TRIM37: variants seen among roughly 807,000 people sequenced by gnomAD.
TRIM37 encodes tripartite motif containing 37.
Under a neutral mutation model 129.8 loss-of-function variants are expected in TRIM37, and 80 were observed. The ratio of observed to expected loss-of-function variants is 0.62; its 90% CI spans 0.51 to 0.74. The LOEUF (loss-of-function observed/expected upper bound fraction) is 0.74, where lower values mean the gene tolerates loss of function less well. Among genes scored for constraint, TRIM37 ranks in the 30% least tolerant of loss-of-function variants. The pLI is 0.00. For missense variants in TRIM37, 1,054 were observed against 1,176.5 expected, an observed-to-expected ratio of 0.90 and a Z score of 1.52; for synonymous variants, 389 against 387.1, an observed-to-expected ratio of 1.00 and a Z score of -0.06.
chr17:59,091,208 C>T, intron 3 of TRIM37, 92 bp downstream of exon 3: 3 of 820,848 alleles, frequency 3.7e-6, no homozygotes, highest in Non-Finnish European at 5.8e-6. Flanking sequence ...GAGAAATGGG[C>T]AGACTGCAGG....
At chr17:59,062,788 T>C in intron 10 of TRIM37, 140 bp from the exon 11 acceptor site, 4 of 711,674 alleles carry the variant, frequency 5.6e-6, no homozygotes, top group East Asian at 2.7e-5. Flanking sequence ...CAGGTCAAAA[T>C]TCCACTGTAA....
intron 8 of TRIM37, among the ~76,000 whole-genome samples, chr17:59,072,762 G>GT (rs1286033341): frequency 7.0e-6 from 1 of 143,302 alleles, no homozygotes; most frequent in Non-Finnish European, 1.6e-5. Context: ...AAAAAAAAAA[G>GT]TATCATATAT....
intron 2 of TRIM37, among the ~76,000 whole-genome samples, chr17:59,102,744 T>C (rs1178389475): frequency 1.3e-5 from 2 of 152,262 alleles, no homozygotes; most frequent in Non-Finnish European, 2.9e-5. Context: ...ATAGAGTTCT[T>C]GAACTTAATG....
chr17:59,001,455 A>T (rs932260375), intron 23 of TRIM37, 143 bp downstream of exon 23: 26 of 183,508 alleles, frequency 1.4e-4, no homozygotes, highest in Non-Finnish European at 2.4e-4. Context: ...GACAATAATT[A>T]AAAAAAAAAA....
chr17:59,036,939 C>T (rs1190794963), intron 17 of TRIM37, among the ~76,000 whole-genome samples: 1 of 151,758 alleles, frequency 6.6e-6, no homozygotes, highest in Non-Finnish European at 1.5e-5. Flanking sequence ...ATGGTGAAAC[C>T]CCATCTCTAC....
chr17:59,080,433 C>G (rs575173600), intron 6 of TRIM37, among the ~76,000 whole-genome samples: 2 of 152,248 alleles, frequency 1.3e-5, no homozygotes, highest in South Asian at 2.1e-4. Context: ...CACCCAAAAG[C>G]TGGGGATCCA....
chr17:59,079,652 T>C, intron 7 of TRIM37, 102 bp downstream of exon 7: 1 of 1,474,020 alleles, frequency 6.8e-7, no homozygotes, highest in Middle Eastern at 1.8e-4. Context: ...TTGCCTAAAA[T>C]CTCAAGATTC....
chr17:59,051,101 A>T, intron 14 of TRIM37, 113 bp downstream of exon 14: 2 of 750,370 alleles, frequency 2.7e-6, no homozygotes, highest in East Asian at 2.8e-5. Context: ...TTTTTTTTCT[A>T]ATTACAAATT....
chr17:59,035,362 A>G (rs759835627), intron 17 of TRIM37, among the ~76,000 whole-genome samples: 2 of 151,972 alleles, frequency 1.3e-5, no homozygotes, highest in African/African-American at 2.4e-5. Context: ...CCTCATTTTC[A>G]TTATTATTGT....
At chr17:59,042,449 A>AATATATATATATAT (rs71145518) in intron 16 of TRIM37, among the ~76,000 whole-genome samples, 2 of 36,038 alleles carry the variant, frequency 5.5e-5, no homozygotes, top group African/African-American at 2.2e-4. Flanking sequence ...AAAAAAAAAA[A>AATATATATATATAT]ATATATATAT....
intron 17 of TRIM37, among the ~76,000 whole-genome samples, chr17:59,040,902 C>T (rs974599827): frequency 5.3e-5 from 8 of 151,746 alleles, no homozygotes; most frequent in East Asian, 1.9e-4. Context: ...AAAAATTAGC[C>T]GGGCGCGGTG....
At position 59,025,039 on chromosome 17, in the gene TRIM37, G is replaced by A. The variant is rs980815138; in HGVS notation, c.2257+3376C>T. Among the ~76,000 whole-genome samples, 15 of 152,250 alleles carry A rather than the reference G, an allele frequency of 9.9e-5. No individual in the cohort carries two copies. In the South Asian group the frequency reaches 1.5e-3, roughly 15 times the overall value. Reference sequence around the variant, plus strand: ...ACTGGGTTAAACAATACCAAATTGCGTTTTTGTATGTCCAAAACTTGAGTA... The same window carrying A: ...ACTGGGTTAAACAATACCAAATTGCATTTTTGTATGTCCAAAACTTGAGTA... On this transcript the variant is annotated intron_variant, in intron 19 of 23. Coordinates refer to ENST00000262294, the MANE Select transcript of TRIM37 (RefSeq NM_015294.6).
In TRIM37 at chr17:58,999,349, T is replaced by G; in HGVS notation, c.*28A>C. 6.2e-7 allele frequency: 1 copy of G among 1,613,822 alleles called. No individual in the cohort carries two copies. Among genetic ancestry groups the G allele is most frequent in the Non-Finnish European group, 8.5e-7 (1 of 1,179,808 alleles). The stretch of plus-strand genomic sequence containing the variant: ...CAGCAAAATTCAGGGTCAAGGTAGC[T>G]TGCAAGTCAGTTCTCTTGATTTGGC... On this transcript the variant is annotated 3_prime_UTR_variant, in exon 24 of 24. Coordinates refer to ENST00000262294, the MANE Select transcript of TRIM37 (RefSeq NM_015294.6).
intron 2 of TRIM37, among the ~76,000 whole-genome samples, chr17:59,098,976 A>G (rs576587618): frequency 6.6e-6 from 1 of 152,286 alleles, no homozygotes; most frequent in African/African-American, 2.4e-5. Context: ...CCAGGTCAAG[A>G]GATCGACACC....
At chr17:59,003,202 C>G (rs2034009544) in intron 22 of TRIM37, among the ~76,000 whole-genome samples, 1 of 152,126 alleles carries the variant, frequency 6.6e-6, no homozygotes, top group African/African-American at 2.4e-5. Flanking sequence ...ATTGAAAGAA[C>G]AGACTAGAAA....
At chr17:59,027,852 C>T (rs532011992) in intron 19 of TRIM37, among the ~76,000 whole-genome samples, 1 of 152,248 alleles carries the variant, frequency 6.6e-6, no homozygotes, top group South Asian at 2.1e-4. Flanking sequence ...GCTTTCTTTG[C>T]CATACTGGTC....
At chr17:59,101,022 C>CAA (rs35079890) in intron 2 of TRIM37, among the ~76,000 whole-genome samples, 83 of 105,200 alleles carry the variant, frequency 7.9e-4, no homozygotes, top group African/African-American at 1.3e-3. Context: ...AACGCCGTCT[C>CAA]AAAAAAAAAA....
chr17:59,103,889 A>G (rs1381060200), intron 2 of TRIM37, among the ~76,000 whole-genome samples: 1 of 152,074 alleles, frequency 6.6e-6, no homozygotes, highest in Non-Finnish European at 1.5e-5. Flanking sequence ...CTCGTGATCC[A>G]CCTACCTCGG....
At chr17:59,028,833 G>A (rs1022687838) in intron 18 of TRIM37, 110 bp from the exon 19 acceptor site, 18 of 1,124,224 alleles carry the variant, frequency 1.6e-5, no homozygotes, top group East Asian at 4.9e-5. Flanking sequence ...CGTGCTTTAC[G>A]TGGTATCAAC....
Sources: gnomAD v4.1 joint callset for allele counts (sites outside exome capture counted in the v4.1 genomes callset) on GRCh38, gnomAD v4.1.1 for gene constraint, MANE v1.5 for transcripts, NCBI Gene and HGNC (gene_info 2026-07-23, HGNC 2026-07-21) for gene names.